Variants in MICAL2 observed in about 807,000 individuals in gnomAD.
The protein encoded by MICAL2 is microtubule associated monooxygenase, calponin and LIM domain containing 2, also known as [F-actin]-monooxygenase MICAL2.
In MICAL2, 77 loss-of-function variants were observed where a neutral mutation model predicts 127.3. The ratio of observed to expected loss-of-function variants is 0.60; its 90% CI spans 0.50 to 0.73. MICAL2 has a LOEUF of 0.73. MICAL2 is among the 30% of genes least tolerant of loss of function. The probability of loss-of-function intolerance (pLI) is 0.00; values close to 1 mark genes in which losing one functional copy is unlikely to be tolerated. For missense variants in MICAL2, 1,351 were observed against 1,434.4 expected, an observed-to-expected ratio of 0.94 and a Z score of 0.94; for synonymous variants, 570 against 551.1, an observed-to-expected ratio of 1.03 and a Z score of -0.48.
intron 3 of MICAL2, among the ~76,000 whole-genome samples, chr11:12,190,271 C>A (rs2134014697): frequency 6.6e-6 from 1 of 152,224 alleles, no homozygotes; most frequent in South Asian, 2.1e-4. Context: ...CTGCAAACAC[C>A]CTGGGATTTG....
intron 1 of MICAL2, among the ~76,000 whole-genome samples, chr11:12,114,874 G>C (rs1001274885): frequency 6.6e-6 from 1 of 152,226 alleles, no homozygotes; most frequent in African/African-American, 2.4e-5. Flanking sequence ...AGCTGCGTTT[G>C]TGCCTTGATC....
intron 32 of MICAL2, among the ~76,000 whole-genome samples, chr11:12,343,215 C>T (rs1938898263): frequency 6.6e-6 from 1 of 151,984 alleles, no homozygotes; most frequent in African/African-American, 2.4e-5. Flanking sequence ...CGAGACCAGC[C>T]TGGCCAACAT....
At chr11:12,148,394 G>A (rs1241200838) in intron 2 of MICAL2, among the ~76,000 whole-genome samples, 2 of 152,162 alleles carry the variant, frequency 1.3e-5, no homozygotes, top group Admixed American at 6.5e-5. Context: ...GGAGCCCGCT[G>A]AGCCCGGCAG....
intron 26 of MICAL2, 42 bp downstream of exon 26, chr11:12,259,939 C>T (rs1565274330): frequency 6.2e-7 from 1 of 1,602,588 alleles, no homozygotes; most frequent in East Asian, 2.3e-5. Flanking sequence ...GGGCTGGCCC[C>T]TCAGGCTGCC....
intron 1 of MICAL2, chr11:12,280,872 G>A (rs1253047622): frequency 6.5e-5 from 26 of 398,426 alleles, no homozygotes; most frequent in South Asian, 1.3e-4. Flanking sequence ...CGCAGTGTGG[G>A]TGTGTTGGGG....
At chr11:12,215,261 G>C (rs1458556234) in intron 7 of MICAL2, among the ~76,000 whole-genome samples, 1 of 152,220 alleles carries the variant, frequency 6.6e-6, no homozygotes, top group Non-Finnish European at 1.5e-5. Flanking sequence ...AGTGCCCTCA[G>C]ACAGTGACAG....
At chr11:12,238,503 A>G (rs544477211) in intron 16 of MICAL2, among the ~76,000 whole-genome samples, 1 of 152,334 alleles carries the variant, frequency 6.6e-6, no homozygotes, top group Admixed American at 6.5e-5. Context: ...CCAAAGTCTA[A>G]TCATGAGACA....
intron 2 of MICAL2, among the ~76,000 whole-genome samples, chr11:12,152,939 T>C (rs890492430): frequency 6.6e-6 from 1 of 151,826 alleles, no homozygotes; most frequent in Non-Finnish European, 1.5e-5. Flanking sequence ...GTGATGGTGG[T>C]AGTGGTGGTA....
chr11:12,317,039 C>T (rs1046049181), intron 29 of MICAL2, among the ~76,000 whole-genome samples: 1 of 152,118 alleles, frequency 6.6e-6, no homozygotes, highest in Non-Finnish European at 1.5e-5. Flanking sequence ...AGCTATTTGC[C>T]CAACCTCATA....
chr11:12,335,457 A>G (rs1240772111), intron 32 of MICAL2, among the ~76,000 whole-genome samples: 2 of 152,098 alleles, frequency 1.3e-5, no homozygotes, highest in East Asian at 1.9e-4. Context: ...CTTGAGTTTA[A>G]TTAGATCCCA....
At chr11:12,168,938 T>A (rs1855885339) in intron 3 of MICAL2, among the ~76,000 whole-genome samples, 1 of 89,692 alleles carries the variant, frequency 1.1e-5, no homozygotes, top group African/African-American at 4.7e-5. Context: ...CAGAGCAAGA[T>A]CCTGTCTCAA....
intron 3 of MICAL2, among the ~76,000 whole-genome samples, chr11:12,172,627 A>G (rs1366460064): frequency 6.6e-6 from 1 of 152,142 alleles, no homozygotes; most frequent in Non-Finnish European, 1.5e-5. Context: ...CATGGCCATG[A>G]AAGATTAGGC....
At chr11:12,226,694 C>T (rs565768502) in intron 14 of MICAL2, among the ~76,000 whole-genome samples, 2 of 146,446 alleles carry the variant, frequency 1.4e-5, no homozygotes, top group African/African-American at 5.1e-5. Flanking sequence ...GCTTTGTCGC[C>T]GAGGCTGGAG....
chr11:12,159,292 C>T (rs1239365585), intron 2 of MICAL2, among the ~76,000 whole-genome samples: 4 of 152,194 alleles, frequency 2.6e-5, no homozygotes, highest in South Asian at 2.1e-4. Context: ...TATTGTCTGG[C>T]TTGATGCCTC....
chr11:12,232,023 G>T lies in MICAL2; in HGVS notation c.1996-4154G>T, dbSNP rs146061539. On this transcript the variant is annotated intron_variant, in intron 15 of 27. Transcript: ENST00000683283. ...CTCCTTTGCTTGTCTGAAAAATGAG[G>T]GTAACAACATGTACACCATTGTATT... Among the ~76,000 whole-genome samples, 880 of 152,258 alleles carry T rather than the reference G, an allele frequency of 5.8e-3. 5 individuals are homozygous for T. The highest frequency in any genetic ancestry group is 0.02 in the African/African-American group (846 of 41,550).
intron 3 of MICAL2, among the ~76,000 whole-genome samples, chr11:12,192,323 C>G (rs1006290135): frequency 3.3e-5 from 5 of 152,160 alleles, no homozygotes; most frequent in Non-Finnish European, 7.3e-5. Context: ...GGGACTCACT[C>G]ACCACCTTGG....
intron 33 of MICAL2, among the ~76,000 whole-genome samples, chr11:12,351,472 C>T (rs1939044563): frequency 6.6e-6 from 1 of 152,154 alleles, no homozygotes; most frequent in Non-Finnish European, 1.5e-5. Context: ...GTCCCTTCCT[C>T]CCACCAAAAA....
downstream of MICAL2, among the ~76,000 whole-genome samples, chr11:12,264,283 G>A (rs1258998688): frequency 2.0e-5 from 3 of 152,144 alleles, no homozygotes; most frequent in Non-Finnish European, 2.9e-5. Flanking sequence ...TATTAGGATG[G>A]CAATGAAGTT....
At chr11:12,342,652 C>G (rs1938885521) in intron 32 of MICAL2, among the ~76,000 whole-genome samples, 1 of 152,164 alleles carries the variant, frequency 6.6e-6, no homozygotes, top group Non-Finnish European at 1.5e-5. Context: ...AAGCACAATG[C>G]TTAGCCAAGC....
Sources: gnomAD v4.1 joint callset for allele counts (sites outside exome capture counted in the v4.1 genomes callset) on GRCh38, gnomAD v4.1.1 for gene constraint, MANE v1.5 for transcripts, NCBI Gene and HGNC (gene_info 2026-07-23, HGNC 2026-07-21) for gene names.